CFAP299: variants seen among roughly 807,000 people sequenced by gnomAD.
CFAP299 encodes the protein cilia- and flagella-associated protein 299.
A neutral mutation model predicts 27.0 loss-of-function variants in CFAP299; 21 were observed. That is an observed-to-expected ratio of 0.78 (90% CI 0.55 to 1.12). The LOEUF is 1.12. CFAP299 is among the 50% of genes most tolerant of loss of function. CFAP299 has a pLI of 0.00. For synonymous variants in CFAP299, 104 were observed against 98.1 expected (o/e 1.06, Z -0.36); for missense variants, 310 against 276.6 (o/e 1.12, Z -0.86).
intron 2 of CFAP299, among the ~76,000 whole-genome samples, chr4:80,484,040 A>G (rs1730692683): frequency 1.3e-5 from 2 of 152,136 alleles, no homozygotes; most frequent in Non-Finnish European, 1.5e-5. Context: ...TTAATATAGC[A>G]TAGTGATTTT....
At chr4:80,870,545 C>T (rs562500570) in intron 4 of CFAP299, 2 of 989,044 alleles carry the variant, frequency 2.0e-6, no homozygotes, top group Admixed American at 6.0e-5. Context: ...CCTCATTTCT[C>T]TCATCTCTGT....
intron 2 of CFAP299, among the ~76,000 whole-genome samples, chr4:80,445,331 A>G (rs1012321346): frequency 6.6e-6 from 1 of 152,260 alleles, no homozygotes; most frequent in African/African-American, 2.4e-5. Context: ...ACACAATGGA[A>G]TACTATGCAG....
intron 3 of CFAP299, among the ~76,000 whole-genome samples, chr4:80,786,781 T>C (rs1485983307): frequency 2.6e-5 from 4 of 152,128 alleles, no homozygotes; most frequent in Non-Finnish European, 4.4e-5. Context: ...AGTTGGAAAG[T>C]GTCTCTTGGT....
At chr4:80,901,043 TA>T (rs964478734) in intron 4 of CFAP299, among the ~76,000 whole-genome samples, 3 of 151,952 alleles carry the variant, frequency 2.0e-5, no homozygotes, top group Admixed American at 2.0e-4. Context: ...GGAAGATGAG[TA>T]AAAAAGGAAT....
intron 1 of CFAP299, among the ~76,000 whole-genome samples, chr4:80,349,469 T>G (rs903220760): frequency 6.6e-6 from 1 of 152,146 alleles, no homozygotes; most frequent in Non-Finnish European, 1.5e-5. Flanking sequence ...TCTCAAATGT[T>G]ACAGGACATG....
At chr4:80,893,064 A>G (rs1734423640) in intron 4 of CFAP299, among the ~76,000 whole-genome samples, 1 of 151,966 alleles carries the variant, frequency 6.6e-6, no homozygotes, top group Non-Finnish European at 1.5e-5. Flanking sequence ...ACATATAAAA[A>G]ACAGATGCAT....
chr4:80,472,339 A>T (rs930925014), intron 2 of CFAP299, among the ~76,000 whole-genome samples: 6 of 152,224 alleles, frequency 3.9e-5, no homozygotes, highest in African/African-American at 1.4e-4. Context: ...ACTCTATAAC[A>T]CAATTGCAAT....
rs57377935 is a variant in CFAP299 at position 80,772,548 on chromosome 4, ATT to A, written c.334-97436_334-97435del. On this transcript the variant is annotated intron_variant, in intron 3 of 5. Coordinates refer to ENST00000358105, the MANE Select transcript of CFAP299 (RefSeq NM_152770.3). ...AAAGCATACTTTCCCAATAGGCACTATTTTTTTTTTATTTTACTTTAAGTTCT... is the reference window on the plus strand; with the variant it reads ...AAAGCATACTTTCCCAATAGGCACTATTTTTTTTATTTTACTTTAAGTTCT... Among the ~76,000 whole-genome samples the A allele has an allele frequency of 4.3e-4, 64 of 149,678 alleles. No individual in the cohort carries two copies. In the South Asian group the frequency reaches 0.012, roughly 28 times the overall value.
rs181591413 is a variant in CFAP299 at position 80,849,726 on chromosome 4, G to A, written c.334-20267G>A. The stretch of plus-strand genomic sequence containing the variant: ...TTACCAGAGGCTAGGGAGGGTAGAG[G>A]GAGGGAGAAATGGTGAGAGGTTGGT... On this transcript the variant is annotated intron_variant, in intron 3 of 5. Coordinates refer to ENST00000358105, the MANE Select transcript of CFAP299 (RefSeq NM_152770.3). 3.3e-3 allele frequency among the ~76,000 whole-genome samples: 500 copies of A among 152,198 alleles called. 1 individual carries two copies. The highest frequency in any genetic ancestry group is 0.017 in the Middle Eastern group (5 of 294).
In CFAP299 at chr4:80,697,030, T is replaced by TA. The variant is rs1368960664; in HGVS notation, c.333+113854dup. On this transcript the variant is annotated intron_variant, in intron 3 of 5. Transcript: ENST00000358105. ...ATTTTAATCAAAGCAGTTAAATCAT[T>TA]AAAAAAATAGTCATTTCTTAAGAGT... Among the ~76,000 whole-genome samples, 6 of 152,238 alleles carry TA rather than the reference T, an allele frequency of 3.9e-5. No individual in the cohort carries two copies. The East Asian group carries it at 5.8e-4, about 15-fold the overall frequency.
At chr4:80,892,438 T>C (rs1037583097) in intron 4 of CFAP299, among the ~76,000 whole-genome samples, 4 of 152,128 alleles carry the variant, frequency 2.6e-5, no homozygotes, top group African/African-American at 9.7e-5. Flanking sequence ...TCCAGGACAT[T>C]GGTCTGGGCA....
Position 80,390,807 on chromosome 4 carries a change from G to GTA in CFAP299, c.242+27926_242+27927dup, listed in dbSNP as rs1273102510. Among the ~76,000 whole-genome samples the GTA allele has an allele frequency of 2.8e-4, 33 of 116,790 alleles. 1 individual carries two copies. Among genetic ancestry groups the GTA allele is most frequent in the African/African-American group, 1.0e-3 (32 of 31,344 alleles). 76.6% of individuals were successfully genotyped at this position (116,790 alleles called of 152,430 possible). ...TACACATATATGTATATGTATATAT[G>GTA]TATACACACATATATGTATATGTAT... On this transcript the variant is annotated intron_variant, in intron 2 of 5. Transcript: ENST00000358105.
At chr4:80,744,199 C>G (rs574607332) in intron 3 of CFAP299, among the ~76,000 whole-genome samples, 2 of 152,136 alleles carry the variant, frequency 1.3e-5, no homozygotes, top group Non-Finnish European at 2.9e-5. Flanking sequence ...AAACTTGTCT[C>G]ATTTTCAAGA....
chr4:80,816,842 C>T (rs1729445224), intron 3 of CFAP299, among the ~76,000 whole-genome samples: 1 of 152,034 alleles, frequency 6.6e-6, no homozygotes, highest in Non-Finnish European at 1.5e-5. Context: ...AGCAGATGAG[C>T]TTTAAAAAAA....
intron 2 of CFAP299, among the ~76,000 whole-genome samples, chr4:80,370,969 T>C (rs1724117393): frequency 6.6e-6 from 1 of 152,366 alleles, no homozygotes; most frequent in South Asian, 2.1e-4. Context: ...GAAGAGGTTC[T>C]CCATGAGGGT....
At chr4:80,814,730 A>G (rs1253550665) in intron 3 of CFAP299, among the ~76,000 whole-genome samples, 1 of 151,978 alleles carries the variant, frequency 6.6e-6, no homozygotes, top group Admixed American at 6.6e-5. Context: ...AAAAAAAAAA[A>G]GTTTGGCTGA....
intron 2 of CFAP299, among the ~76,000 whole-genome samples, chr4:80,382,194 A>G (rs986310589): frequency 1.1e-4 from 16 of 152,202 alleles, no homozygotes; most frequent in Admixed American, 1.0e-3. Flanking sequence ...AAAACCAAAA[A>G]CTATAAAAAC....
chr4:80,840,405 T>C (rs945069662), intron 3 of CFAP299, among the ~76,000 whole-genome samples: 1 of 152,110 alleles, frequency 6.6e-6, no homozygotes, highest in Non-Finnish European at 1.5e-5. Flanking sequence ...TGGAGTTTTG[T>C]CTTAAAGGTA....
intron 2 of CFAP299, among the ~76,000 whole-genome samples, chr4:80,434,305 C>G (rs1201787276): frequency 6.6e-6 from 1 of 152,118 alleles, no homozygotes; most frequent in Non-Finnish European, 1.5e-5. Flanking sequence ...TCCCTTCTCC[C>G]TTAATGAAAG....
Sources: gnomAD v4.1 joint callset for allele counts (sites outside exome capture counted in the v4.1 genomes callset) on GRCh38, gnomAD v4.1.1 for gene constraint, MANE v1.5 for transcripts, NCBI Gene and HGNC (gene_info 2026-07-23, HGNC 2026-07-21) for gene names.